Variants in LCT observed in about 807,000 individuals in gnomAD.
LCT encodes lactase, also known as lactase/phlorizin hydrolase.
LCT carries 90 observed loss-of-function variants against 173.0 expected under a neutral mutation model. The observed-to-expected ratio is 0.52, with a 90% CI of 0.44 to 0.62. LCT has a LOEUF of 0.62. Among genes scored for constraint, LCT ranks in the 20% least tolerant of loss-of-function variants. The pLI, the probability that LCT is intolerant of heterozygous loss-of-function variation, is 0.00. For missense variants in LCT, 1,864 were observed against 2,431.4 expected, an observed-to-expected ratio of 0.77 and a Z score of 4.91; for synonymous variants, 853 against 957.6, an observed-to-expected ratio of 0.89 and a Z score of 2.02.
chr2:135,806,237 A>G (rs1366745477), intron 9 of LCT, among the ~76,000 whole-genome samples: 1 of 152,144 alleles, frequency 6.6e-6, no homozygotes, highest in Non-Finnish European at 1.5e-5. Context: ...CGATCCTCCC[A>G]TAGCACTGGG....
rs10928548 is a variant in LCT at position 135,805,243 on chromosome 2, T to C, written c.4174-186A>G. ...ACCCCAGCGCTATGGGAGGATCGCT[T>C]GAGCCCAGGAGTTCAAAACCAGCCT... On this transcript the variant is annotated intron_variant, in intron 9 of 16. Coordinates refer to ENST00000264162, the MANE Select transcript of LCT (RefSeq NM_002299.4). Among the ~76,000 whole-genome samples, 149,363 of 152,250 alleles carry C rather than the reference T, an allele frequency of 0.98. 73,315 individuals carry two copies. Among genetic ancestry groups the C allele is most frequent in the East Asian group, 1 (5,170 of 5,170 alleles).
chr2:135,835,976 G>GTGTATGTATATA (rs1553436126), intron 1 of LCT, among the ~76,000 whole-genome samples: 3 of 80,480 alleles, frequency 3.7e-5, no homozygotes, highest in Non-Finnish European at 6.2e-5. Context: ...ATACATGTGT[G>GTGTATGTATATA]TATATATATA....
intron 11 of LCT, among the ~76,000 whole-genome samples, chr2:135,801,638 C>A (rs1379794417): frequency 6.6e-6 from 1 of 151,274 alleles, no homozygotes; most frequent in Non-Finnish European, 1.5e-5. Context: ...TCACTCGAAT[C>A]CAGGAGGTGG....
chr2:135,808,658 T>C lies in LCT; in HGVS notation c.3689A>G (p.Gln1230Arg), dbSNP rs1575338441. 2 of 1,614,218 alleles carry C rather than the reference T, an allele frequency of 1.2e-6. No homozygotes were observed. Among genetic ancestry groups the C allele is most frequent in the Admixed American group, 1.7e-5 (1 of 60,030 alleles). The change falls in exon 8 of 17, where the codon CAG (glutamine) becomes CGG (arginine). Residue 1230 changes from glutamine to arginine, a missense_variant. Gln to Arg is a conservative substitution (Grantham distance 43). Around this residue, in one of 4 missense-constraint regions of LCT, gnomAD observed 755 missense variants for 926.3 expected, o/e 0.82. Coordinates refer to ENST00000264162, the MANE Select transcript of LCT (RefSeq NM_002299.4). ...AGGGTCCTCCTCCTCAGCCATCTCC[T>C]GGTCGTCTTCGTAGGAGGGTGGGTT... Reference protein sequence around the residue: ...RLNPPSYEDDQEMAEEEDPSW... With the variant: ...RLNPPSYEDDREMAEEEDPSW...
intron 9 of LCT, among the ~76,000 whole-genome samples, chr2:135,806,155 T>G (rs144070613): frequency 0.016 from 2,484 of 152,178 alleles, 59 homozygotes; most frequent in African/African-American, 0.056. Flanking sequence ...TTGGCTAATT[T>G]TTTTGATTTT....
At chr2:135,794,859 G>T in intron 13 of LCT, 84 bp from the exon 14 acceptor site, 1 of 1,523,378 alleles carries the variant, frequency 6.6e-7, no homozygotes, top group Non-Finnish European at 9.1e-7. Context: ...GGGCGGGGGA[G>T]CTCTCCGAAC....
chr2:135,795,689 T>C (rs1575331800), intron 13 of LCT, among the ~76,000 whole-genome samples: 1 of 151,720 alleles, frequency 6.6e-6, no homozygotes, highest in African/African-American at 2.4e-5. Flanking sequence ...AATTGAGTAT[T>C]TGAGTTTGAA....
chr2:135,802,726 G>A (rs571361076), intron 11 of LCT, among the ~76,000 whole-genome samples: 9 of 152,282 alleles, frequency 5.9e-5, no homozygotes, highest in African/African-American at 2.2e-4. Flanking sequence ...TAGGGAGGGA[G>A]GACAGGGAGA....
Position 135,790,636 on chromosome 2 carries a change from G to A in LCT, c.5335+22C>T. 1 of 1,489,612 alleles carries A rather than the reference G, an allele frequency of 6.7e-7. No homozygotes were observed. Among genetic ancestry groups the A allele is most frequent in the Non-Finnish European group, 9.4e-7 (1 of 1,068,112 alleles). 92.3% of individuals were successfully genotyped at this position (1,489,612 alleles called of 1,614,324 possible). Reference sequence around the variant, plus strand: ...TTCCAACAGGGGAAGGTGCACGCTGGGGAAGGGCGGGCCCGTCGTACCTTT... The same window carrying A: ...TTCCAACAGGGGAAGGTGCACGCTGAGGAAGGGCGGGCCCGTCGTACCTTT... On this transcript the variant is annotated intron_variant, in intron 15 of 16. Coordinates refer to ENST00000264162, the MANE Select transcript of LCT (RefSeq NM_002299.4). This position sits in a 1 kb window ranked among gnomAD's most constrained non-coding sequence, Gnocchi z 4.1.
intron 14 of LCT, among the ~76,000 whole-genome samples, chr2:135,792,935 G>T (rs145716337): frequency 2.6e-5 from 4 of 152,282 alleles, no homozygotes; most frequent in Admixed American, 1.3e-4. Flanking sequence ...ACCGCAGCTG[G>T]TGGCAGTGGA....
chr2:135,788,216 A>G lies in LCT; in HGVS notation c.*108T>C. 1.2e-6 allele frequency: 1 copy of G among 810,110 alleles called. No individual in the cohort carries two copies. The highest frequency in any genetic ancestry group is 2.1e-6 in the Non-Finnish European group (1 of 465,592). The allele number at this position is 810,110 out of a possible 1,614,324, so 50.2% of individuals were successfully genotyped here. On this transcript the variant is annotated 3_prime_UTR_variant, in exon 17 of 17. Coordinates refer to ENST00000264162, the MANE Select transcript of LCT (RefSeq NM_002299.4). ...ATCTCTAACGGTGCAGCAGGACTTT[A>G]TGGAGAAGTCCAGTATCAGCAGAGT... is the stretch of plus-strand genomic sequence containing the variant.
In LCT at chr2:135,829,719, G is replaced by C. The variant is rs60925499; in HGVS notation, c.721-43C>G. On this transcript the variant is annotated intron_variant, in intron 2 of 16. Transcript: ENST00000264162. ...ATAGGGTCATTAGAACCTAAGCACTGTCAAGACTAACAGCCTCTCAGAAGT... is the reference window on the plus strand; with the variant it reads ...ATAGGGTCATTAGAACCTAAGCACTCTCAAGACTAACAGCCTCTCAGAAGT... 125 of 1,305,732 alleles carry C rather than the reference G, an allele frequency of 9.6e-5. No individual in the cohort carries two copies. In the African/African-American group the frequency reaches 1.5e-3, roughly 16 times the overall value. 80.9% of individuals were successfully genotyped at this position (1,305,732 alleles called of 1,614,324 possible). A position where few individuals can be genotyped will look rare whatever the true frequency, so the allele number is the denominator to read the frequency against.
In LCT at chr2:135,790,943, G is replaced by A. The variant is rs1262465116; in HGVS notation, c.5112-62C>T. ...GTAAATCTCAAGAGGCCCTTTACAC[G>A]AAACACAAAACAGGACTTAGACCAG... is the stretch of plus-strand genomic sequence containing the variant. On this transcript the variant is annotated intron_variant, in intron 14 of 16. Transcript: ENST00000264162. This position sits in a 1 kb window ranked among gnomAD's most constrained non-coding sequence, Gnocchi z 4.1. The A allele has an allele frequency of 1.2e-5, 15 of 1,248,526 alleles. No individual in the cohort carries two copies. The highest frequency in any genetic ancestry group is 4.6e-5 in the East Asian group (2 of 43,040). 77.3% of individuals were successfully genotyped at this position (1,248,526 alleles called of 1,614,324 possible). A position where few individuals can be genotyped will look rare whatever the true frequency, so the allele number is the denominator to read the frequency against.
chr2:135,807,386 G>T lies in LCT; in HGVS notation c.3915C>A (p.Leu1305=), dbSNP rs199509343. The change falls in exon 9 of 17, where the codon CTC becomes CTA. Residue 1305 remains leucine (L), a synonymous_variant. Transcript: ENST00000264162. Reference sequence around the variant, plus strand: ...CATACCCTCGAAGGTCTATACCATCGAGCCTGTAGGCTGGGAACATCCCAA... The same window carrying T: ...CATACCCTCGAAGGTCTATACCATCTAGCCTGTAGGCTGGGAACATCCCAA... ...YINEALKAYR[L]DGIDLRGYVA... is the part of the protein sequence containing the mutation. The T allele has an allele frequency of 2.5e-6, 4 of 1,613,930 alleles. No homozygotes were observed. Among genetic ancestry groups the T allele is most frequent in the Non-Finnish European group, 3.4e-6 (4 of 1,180,016 alleles).
intron 14 of LCT, among the ~76,000 whole-genome samples, chr2:135,793,015 C>G (rs1254509699): frequency 1.3e-5 from 2 of 152,188 alleles, no homozygotes; most frequent in Non-Finnish European, 2.9e-5. Flanking sequence ...GACCAACCAA[C>G]TCACGCCATT....
At chr2:135,797,451 G>T (rs141835480) in intron 13 of LCT, among the ~76,000 whole-genome samples, 1 of 152,142 alleles carries the variant, frequency 6.6e-6, no homozygotes, top group Non-Finnish European at 1.5e-5. Flanking sequence ...CCCAGCATGC[G>T]CCCTGGGGGC....
In LCT at chr2:135,829,615, C is replaced by T. The variant is rs762388454; in HGVS notation, c.782G>A (p.Arg261Gln). Residue 261 changes from arginine to glutamine, a missense_variant, in exon 3 of 17, where the codon CGG (arginine) becomes CAG (glutamine). Arg to Gln is a conservative substitution (Grantham distance 43). Around this residue, in one of 4 missense-constraint regions of LCT, gnomAD observed 412 missense variants for 462.0 expected, o/e 0.89. Transcript: ENST00000264162. ...TACCTGCAATTTACTCAGCTTCTGC[C>T]GCAGACTTGCCTCATTTTGGCATTC... ...SYECQNEASLRQKLSKLQTIE... is the reference protein window; with the variant it reads ...SYECQNEASLQQKLSKLQTIE... 2.4e-5 allele frequency: 39 copies of T among 1,613,584 alleles called. No individual in the cohort carries two copies. Among genetic ancestry groups the T allele is most frequent in the Middle Eastern group, 1.6e-4 (1 of 6,084 alleles).
At chr2:135,824,541 T>TA (rs1350663783) in intron 3 of LCT, among the ~76,000 whole-genome samples, 1 of 152,034 alleles carries the variant, frequency 6.6e-6, no homozygotes, top group South Asian at 2.1e-4. Flanking sequence ...ATCCTGTCTC[T>TA]AAAAAAAATT....
rs1162627322 is a variant in LCT, at chr2:135,788,505, ACCT to A, written c.5600_5602del (p.Glu1867del). 1.2e-6 allele frequency: 2 copies of A among 1,612,402 alleles called. No homozygotes were observed. The highest frequency in any genetic ancestry group is 1.7e-6 in the Non-Finnish European group (2 of 1,179,746). ...GCCGAGCATTAGCCCCAGGAACTGC[ACCT>A]CCTCCTGTCTCACGGGGCTGATGGT... is the stretch of plus-strand genomic sequence containing the variant. On this transcript the variant is annotated inframe_deletion, in exon 17 of 17. Coordinates refer to ENST00000264162, the MANE Select transcript of LCT (RefSeq NM_002299.4).
Sources: gnomAD v4.1 joint callset for allele counts (sites outside exome capture counted in the v4.1 genomes callset) on GRCh38, gnomAD v4.1.1 for gene constraint, gnomAD v4.1.1 regional missense constraint, Gnocchi (gnomAD v3.1) non-coding constraint, MANE v1.5 for transcripts, NCBI Gene and HGNC (gene_info 2026-07-23, HGNC 2026-07-21) for gene names.